Variants in NRG1 observed in about 807,000 individuals in gnomAD.
NRG1 encodes the protein neuregulin 1, also known as pro-neuregulin-1, membrane-bound isoform.
Under a neutral mutation model 63.8 loss-of-function variants are expected in NRG1, and 18 were observed. That is an observed-to-expected ratio of 0.28 (90% CI 0.19 to 0.42). NRG1 has a LOEUF of 0.42. NRG1 is among the 10% of genes least tolerant of loss of function. The probability of loss-of-function intolerance (pLI) is 1.00; values close to 1 mark genes in which losing one functional copy is unlikely to be tolerated. For missense variants in NRG1, 762 were observed against 814.7 expected, an observed-to-expected ratio of 0.94 and a Z score of 0.79; for synonymous variants, 302 against 301.3, an observed-to-expected ratio of 1.00 and a Z score of -0.02.
chr8:31,741,350 C>T (rs7009880), intron 1 of NRG1, among the ~76,000 whole-genome samples: 32,154 of 151,634 alleles, frequency 0.21, 3,832 homozygotes, highest in Non-Finnish European at 0.26. Flanking sequence ...TGCACATGTA[C>T]CCCCTGAATC....
chr8:32,370,729 G>A (rs550119352), intron 1 of NRG1, among the ~76,000 whole-genome samples: 62 of 149,042 alleles, frequency 4.2e-4, no homozygotes, highest in African/African-American at 1.5e-3. Context: ...ATGGTGGCAG[G>A]TGCCTGTAAT....
At chr8:31,915,972 A>G (rs1833348477) in intron 1 of NRG1, among the ~76,000 whole-genome samples, 1 of 152,110 alleles carries the variant, frequency 6.6e-6, no homozygotes, top group African/African-American at 2.4e-5. Context: ...CATATTCTGG[A>G]ACTGACACTT....
intron 1 of NRG1, among the ~76,000 whole-genome samples, chr8:31,736,679 T>C (rs1270263141): frequency 6.6e-6 from 1 of 150,528 alleles, no homozygotes; most frequent in Non-Finnish European, 1.5e-5. Context: ...ATACAATAGA[T>C]TGAACTAGAC....
At chr8:32,328,568 T>A (rs1240713774) in intron 1 of NRG1, among the ~76,000 whole-genome samples, 2 of 152,156 alleles carry the variant, frequency 1.3e-5, no homozygotes, top group Non-Finnish European at 2.9e-5. Flanking sequence ...TTAAATTCAT[T>A]TTGTAGAAAT....
chr8:32,574,627 G>T (rs1839275466), intron 1 of NRG1, among the ~76,000 whole-genome samples: 2 of 152,192 alleles, frequency 1.3e-5, no homozygotes, highest in South Asian at 2.1e-4. Flanking sequence ...GCTCGCTCCT[G>T]CTTTCACCAT....
intron 1 of NRG1, among the ~76,000 whole-genome samples, chr8:31,675,129 G>T (rs1466866969): frequency 1.3e-5 from 2 of 152,200 alleles, no homozygotes; most frequent in Non-Finnish European, 2.9e-5. Context: ...GATCACTTGA[G>T]GTCAGGAGTT....
intron 1 of NRG1, among the ~76,000 whole-genome samples, chr8:32,506,785 C>T (rs1007322554): frequency 1.3e-5 from 2 of 151,884 alleles, no homozygotes; most frequent in African/African-American, 2.4e-5. Context: ...GAGGCTGATG[C>T]GGGAGGATCA....
chr8:32,462,977 C>T (rs764491679), intron 1 of NRG1, among the ~76,000 whole-genome samples: 8 of 151,904 alleles, frequency 5.3e-5, no homozygotes, highest in Non-Finnish European at 1.2e-4. Context: ...CTCCCTGCCC[C>T]TGGTAACCAC....
At chr8:32,717,578 T>C (rs1357277247) in intron 5 of NRG1, among the ~76,000 whole-genome samples, 2 of 152,192 alleles carry the variant, frequency 1.3e-5, no homozygotes, top group African/African-American at 4.8e-5. Context: ...AAACCTACTT[T>C]TACTGCTTCG....
chr8:31,744,946 G>C (rs1197968221), intron 1 of NRG1, among the ~76,000 whole-genome samples: 1 of 151,850 alleles, frequency 6.6e-6, no homozygotes, highest in East Asian at 1.9e-4. Context: ...TAACAAAATG[G>C]GGACCTTAAA....
intron 1 of NRG1, among the ~76,000 whole-genome samples, chr8:32,367,406 C>CT (rs369041002): frequency 0.059 from 8,729 of 147,148 alleles, 313 homozygotes; most frequent in Middle Eastern, 0.1. Flanking sequence ...TGGTGTTGAA[C>CT]TTTTTTTTTT....
intron 1 of NRG1, among the ~76,000 whole-genome samples, chr8:31,766,443 A>T (rs1818068082): frequency 6.6e-6 from 1 of 152,174 alleles, no homozygotes; most frequent in South Asian, 2.1e-4. Flanking sequence ...AGAAACAGAG[A>T]AACCAAATGT....
chr8:31,971,737 G>A (rs924349794), intron 1 of NRG1, among the ~76,000 whole-genome samples: 2 of 151,946 alleles, frequency 1.3e-5, no homozygotes, highest in Non-Finnish European at 2.9e-5. Flanking sequence ...AAACCTTGAA[G>A]ACAATTTTAG....
intron 1 of NRG1, among the ~76,000 whole-genome samples, chr8:32,011,105 A>T (rs543839162): frequency 2.3e-4 from 35 of 152,230 alleles, no homozygotes; most frequent in African/African-American, 7.9e-4. Context: ...CACATTACAC[A>T]TAAACATTGT....
intron 1 of NRG1, among the ~76,000 whole-genome samples, chr8:31,685,332 A>G (rs1414168766): frequency 6.6e-6 from 1 of 152,188 alleles, no homozygotes; most frequent in Non-Finnish European, 1.5e-5. Context: ...TACTTGAAGT[A>G]TTTATAGTGG....
intron 7 of NRG1, among the ~76,000 whole-genome samples, chr8:32,751,402 G>A (rs79278896): frequency 0.012 from 1,763 of 152,260 alleles, 33 homozygotes; most frequent in Non-Finnish European, 0.013. Flanking sequence ...CGATCGGAAT[G>A]ACAGACTCTT....
chr8:32,032,054 T>C (rs1164729288), intron 1 of NRG1, among the ~76,000 whole-genome samples: 2 of 152,172 alleles, frequency 1.3e-5, no homozygotes, highest in Non-Finnish European at 2.9e-5. Context: ...ATTGAACTGG[T>C]TTACATTCCC....
intron 1 of NRG1, among the ~76,000 whole-genome samples, chr8:32,402,237 A>G (rs886732291): frequency 6.6e-6 from 1 of 151,734 alleles, no homozygotes; most frequent in African/African-American, 2.4e-5. Flanking sequence ...AAAAGAGAAA[A>G]CACTTTCCTT....
In NRG1 at chr8:32,079,454, A is replaced by T. The variant is rs552928449; in HGVS notation, c.37+440023A>T. Among the ~76,000 whole-genome samples, 8 of 152,320 alleles carry T rather than the reference A, an allele frequency of 5.3e-5. No individual in the cohort carries two copies. The East Asian group carries it at 1.5e-3, about 29-fold the overall frequency. ...TAAATGGTATTATCCCAACTTACAG[A>T]TGTGGAAACTAATACTAATTAACTT... On this transcript the variant is annotated intron_variant, in intron 1 of 10. Coordinates refer to the NRG1 transcript ENST00000519301.
Sources: allele counts gnomAD v4.1 joint callset (sites outside exome capture counted in the v4.1 genomes callset), GRCh38; gene constraint gnomAD v4.1.1; transcripts MANE v1.5; gene names NCBI Gene and HGNC (gene_info 2026-07-23, HGNC 2026-07-21).